The following AHCTF1 variants were observed in gnomAD, a reference collection of about 807,000 sequenced individuals.
AHCTF1 encodes the protein AT-hook containing transcription factor 1, also known as protein ELYS.
In AHCTF1, 24 loss-of-function variants were observed where a neutral mutation model predicts 248.4. The ratio of observed to expected loss-of-function variants is 0.10; its 90% confidence interval spans 0.07 to 0.14. The LOEUF (loss-of-function observed/expected upper bound fraction) is 0.14. Ranked by LOEUF, AHCTF1 falls within the 10% of genes least tolerant of loss-of-function variation. The pLI is 1.00. For missense variants in AHCTF1, 2,206 were observed against 2,636.2 expected (o/e 0.84, Z 3.57); for synonymous variants, 786 against 929.8 (o/e 0.85, Z 2.81).
intron 17 of AHCTF1, among the ~76,000 whole-genome samples, chr1:246,889,114 C>T (rs183278800): frequency 3.3e-5 from 5 of 152,242 alleles, no homozygotes; most frequent in East Asian, 1.9e-4. Flanking sequence ...TAAAGCCCAG[C>T]GTAGTGAAAA....
chr1:246,882,549 T>A (rs977848657), intron 21 of AHCTF1, among the ~76,000 whole-genome samples: 2 of 152,188 alleles, frequency 1.3e-5, no homozygotes, highest in African/African-American at 4.8e-5. Flanking sequence ...ATTCGATATA[T>A]ACTTTTGTAT....
intron 21 of AHCTF1, among the ~76,000 whole-genome samples, chr1:246,883,836 CTATT>C (rs1287703831): frequency 6.6e-6 from 1 of 151,922 alleles, no homozygotes; most frequent in East Asian, 1.9e-4. Context: ...AGAAATTAAA[CTATT>C]TATTAGTGTT....
At chr1:246,876,839 G>T in intron 23 of AHCTF1, 111 bp downstream of exon 23, 1 of 1,312,368 alleles carries the variant, frequency 7.6e-7, no homozygotes, top group African/African-American at 1.5e-5. Flanking sequence ...CAAGTTCAAG[G>T]TAATGCTAGG....
Position 246,862,208 on chromosome 1 carries a change from C to T in AHCTF1, c.3541-55G>A, listed in dbSNP as rs1011799721. 1.4e-4 allele frequency: 194 copies of T among 1,392,878 alleles called. 1 individual carries two copies. The Middle Eastern group carries it at 2.0e-3, about 14-fold the overall frequency. 86.3% of individuals were successfully genotyped at this position (1,392,878 alleles called of 1,614,324 possible). On this transcript the variant is annotated intron_variant, in intron 27 of 35. Coordinates refer to ENST00000648844, the MANE Select transcript of AHCTF1 (RefSeq NM_001323342.2). Reference sequence around the variant, plus strand: ...ATTAAAAGTGCTTATAGGCCGGGCGCGGTGGCTCACGCCTGTAATCCCTGC... The same window carrying T: ...ATTAAAAGTGCTTATAGGCCGGGCGTGGTGGCTCACGCCTGTAATCCCTGC...
chr1:246,922,390 G>C (rs1666604444), intron 1 of AHCTF1, among the ~76,000 whole-genome samples: 4 of 151,650 alleles, frequency 2.6e-5, no homozygotes, highest in Admixed American at 2.6e-4. Context: ...GTGCAAGAAG[G>C]CACACTGTAT....
At chr1:246,918,937 A>G (rs1666334483) in intron 1 of AHCTF1, among the ~76,000 whole-genome samples, 1 of 152,210 alleles carries the variant, frequency 6.6e-6, no homozygotes. Context: ...GTAAAGGGGG[A>G]GAAAGTCCAA....
chr1:246,884,542 T>C (rs1221443105), intron 21 of AHCTF1, among the ~76,000 whole-genome samples: 1 of 152,162 alleles, frequency 6.6e-6, no homozygotes, highest in African/African-American at 2.4e-5. Flanking sequence ...TGGTATAAAA[T>C]AAGTCTAGTA....
intron 6 of AHCTF1, among the ~76,000 whole-genome samples, chr1:246,904,276 T>G (rs1224887807): frequency 6.6e-6 from 1 of 152,248 alleles, no homozygotes; most frequent in Admixed American, 6.5e-5. Flanking sequence ...ATATCTTATG[T>G]AGCAAAGACT....
In AHCTF1 at chr1:246,853,236, A is replaced by C; in HGVS notation, c.4418T>G (p.Val1473Gly). 1 of 1,613,994 alleles carries C rather than the reference A, an allele frequency of 6.2e-7. No individual in the cohort carries two copies. The highest frequency in any genetic ancestry group is 1.6e-4 in the Middle Eastern group (1 of 6,062). The part of the protein sequence containing the change: ...SSLTISEGPI[V>G]SERRLNQEVA... ...TTCCTGGTTAAGCCTGCGCTCAGAG[A>C]CAATAGGACCTTCAGAGATAGTGAG... Residue 1473 changes from valine to glycine, a missense_variant, in exon 32 of 36, where the codon GTC becomes GGC. Coordinates refer to ENST00000648844, the MANE Select transcript of AHCTF1 (RefSeq NM_001323342.2).
At chr1:246,876,508 T>C (rs996063110) in intron 23 of AHCTF1, among the ~76,000 whole-genome samples, 2 of 152,184 alleles carry the variant, frequency 1.3e-5, no homozygotes, top group African/African-American at 4.8e-5. Flanking sequence ...ACAAGGAGAT[T>C]TTATCATTTT....
chr1:246,891,502 C>G (rs901810238), intron 15 of AHCTF1, among the ~76,000 whole-genome samples: 21 of 152,120 alleles, frequency 1.4e-4, no homozygotes, highest in Non-Finnish European at 2.2e-4. Flanking sequence ...ATAAAAAATA[C>G]ATATAACTTA....
Position 246,877,270 on chromosome 1 carries a change from T to G in AHCTF1, c.2693A>C (p.Gln898Pro), listed in dbSNP as rs554869556. The change falls in exon 22 of 36, where the codon CAA becomes CCA. Residue 898 changes from glutamine (Q) to proline (P), a missense_variant. By Grantham distance (76) the Gln-to-Pro change is moderately conservative. Coordinates refer to ENST00000648844, the MANE Select transcript of AHCTF1 (RefSeq NM_001323342.2). Reference protein sequence around the residue: ...CMVEAWNFLRQHCNRLNIEEL... With the variant: ...CMVEAWNFLRPHCNRLNIEEL... Reference sequence around the variant, plus strand: ...CTCTATATTCAACCTATTGCAATGTTGCCGCAAAAAATTCCAGGCTTCAAC... The same window carrying G: ...CTCTATATTCAACCTATTGCAATGTGGCCGCAAAAAATTCCAGGCTTCAAC... 1 of 1,601,716 alleles carries G rather than the reference T, an allele frequency of 6.2e-7. No individual in the cohort carries two copies. Among genetic ancestry groups the G allele is most frequent in the East Asian group, 2.2e-5 (1 of 44,816 alleles).
intron 16 of AHCTF1, 38 bp from the exon 17 acceptor site, chr1:246,890,097 T>A: frequency 7.4e-7 from 1 of 1,354,114 alleles, no homozygotes. Flanking sequence ...CTGGTAATAA[T>A]CCCCAAATAT....
In AHCTF1 at chr1:246,922,054, T is replaced by C. The variant is rs113331100; in HGVS notation, c.-7-3677A>G. 1.6e-3 allele frequency among the ~76,000 whole-genome samples: 239 copies of C among 152,324 alleles called. 1 individual carries two copies. The highest frequency in any genetic ancestry group is 5.5e-3 in the African/African-American group (227 of 41,574). ...TTGGTATATTTTAGACTTTGTTACA[T>C]ATCCATGTTGAAAACATATACAGGG... On this transcript the variant is annotated intron_variant, in intron 1 of 35. Coordinates refer to ENST00000648844, the MANE Select transcript of AHCTF1 (RefSeq NM_001323342.2).
chr1:246,918,279 T>G lies in AHCTF1; in HGVS notation c.92A>C (p.Glu31Ala), dbSNP rs922168455. The G allele has an allele frequency of 6.2e-7, 1 of 1,611,194 alleles. No homozygotes were observed. Among genetic ancestry groups the G allele is most frequent in the African/African-American group, 1.3e-5 (1 of 74,874 alleles). Reference sequence around the variant, plus strand: ...AGCAAACTTTCCACGAAGCACAGATTCTAATGTTATTTCGTCTTCTCCAAG... The same window carrying G: ...AGCAAACTTTCCACGAAGCACAGATGCTAATGTTATTTCGTCTTCTCCAAG... ...QALGEDEITL[E>A]SVLRGKFAAG... Residue 31 changes from glutamate to alanine, a missense_variant, in exon 2 of 36, where the codon GAA (glutamate) becomes GCA (alanine). Glu to Ala is a moderately radical substitution (Grantham distance 107, BLOSUM62 -1). Coordinates refer to ENST00000648844, the MANE Select transcript of AHCTF1 (RefSeq NM_001323342.2).
chr1:246,866,277 C>T (rs1328139072), intron 26 of AHCTF1, among the ~76,000 whole-genome samples: 2 of 152,046 alleles, frequency 1.3e-5, no homozygotes, highest in African/African-American at 4.8e-5. Context: ...TCCCCGCAAC[C>T]TCAGAGCCAT....
intron 24 of AHCTF1, among the ~76,000 whole-genome samples, chr1:246,873,263 T>G (rs1401233283): frequency 1.3e-5 from 2 of 152,166 alleles, no homozygotes; most frequent in Non-Finnish European, 2.9e-5. Context: ...TCTTAACCGG[T>G]GATAAATCAC....
At chr1:246,845,901 T>C (rs1331518101) in intron 33 of AHCTF1, among the ~76,000 whole-genome samples, 1 of 152,056 alleles carries the variant, frequency 6.6e-6, no homozygotes, top group Non-Finnish European at 1.5e-5. Flanking sequence ...TTACAAGTTC[T>C]TGGATATTTA....
chr1:246,875,669 C>A (rs1662886748), intron 24 of AHCTF1, among the ~76,000 whole-genome samples: 1 of 152,172 alleles, frequency 6.6e-6, no homozygotes, highest in Non-Finnish European at 1.5e-5. Flanking sequence ...CAGCAGCCAT[C>A]AACATTGAGA....
Sources: gnomAD v4.1 joint callset for allele counts (sites outside exome capture counted in the v4.1 genomes callset) on GRCh38, gnomAD v4.1.1 for gene constraint, MANE v1.5 for transcripts, NCBI Gene and HGNC (gene_info 2026-07-23, HGNC 2026-07-21) for gene names.